Variants in PLA2G6 observed in about 807,000 individuals in gnomAD.
PLA2G6 encodes 85/88 kDa calcium-independent phospholipase A2.
PLA2G6 carries 62 observed loss-of-function variants against 83.8 expected under a neutral mutation model. The observed-to-expected ratio is 0.74, with a 90% CI of 0.60 to 0.91. The LOEUF is 0.91. Ranked by LOEUF, PLA2G6 falls within the 40% of genes least tolerant of loss-of-function variation. The probability of loss-of-function intolerance (pLI) is 0.00; values close to 1 mark genes in which losing one functional copy is unlikely to be tolerated. For missense variants in PLA2G6, 944 were observed against 1,102.0 expected, an observed-to-expected ratio of 0.86 and a Z score of 2.03; for synonymous variants, 417 against 449.8, an observed-to-expected ratio of 0.93 and a Z score of 0.92.
chr22:38,163,493 G>A (rs1900681206), intron 2 of PLA2G6: 1 of 169,534 alleles, frequency 5.9e-6, no homozygotes, highest in South Asian at 2.0e-4. Context: ...CTGTCCCTCA[G>A]GAGCCCTGCA....
chr22:38,139,268 C>G (rs1035674143), intron 5 of PLA2G6: 1 of 152,142 alleles, frequency 6.6e-6, no homozygotes, highest in African/African-American at 2.4e-5. Context: ...CCAGGTGGGC[C>G]TTGGGGTTGC....
chr22:38,113,709 C>G (rs572529162), intron 14 of PLA2G6, 55 bp from the exon 15 acceptor site: 18 of 1,539,698 alleles, frequency 1.2e-5, no homozygotes, highest in Middle Eastern at 3.4e-4. Context: ...GTAGGGGGCA[C>G]GAAGGGGAGC....
intron 6 of PLA2G6, 95 bp from the exon 7 acceptor site, chr22:38,133,108 T>G: frequency 1.3e-5 from 15 of 1,152,748 alleles, no homozygotes; most frequent in African/African-American, 3.0e-5. Context: ...CTGAGAGGCC[T>G]ACAGGTACTG....
chr22:38,169,171 T>C (rs372271850), intron 2 of PLA2G6, 47 bp downstream of exon 2: 14 of 1,423,140 alleles, frequency 9.8e-6, no homozygotes, highest in African/African-American at 1.4e-5. Flanking sequence ...ATCCGAGACG[T>C]GGGGGAGTGA....
In PLA2G6 at chr22:38,112,651, C is replaced by T. The variant is rs1942739046; in HGVS notation, c.2203-74G>A. 5.5e-6 allele frequency: 7 copies of T among 1,282,964 alleles called. No homozygotes were observed. In the South Asian group the frequency reaches 7.6e-5, roughly 14 times the overall value. 79.5% of individuals were successfully genotyped at this position (1,282,964 alleles called of 1,614,324 possible). ...CCGCACCCCGCCCGGCCCTGCCCTG[C>T]ACTCTCGGAGCCCCAGCCTGGGGAG... On this transcript the variant is annotated intron_variant, in intron 15 of 16. Coordinates refer to ENST00000332509, the MANE Select transcript of PLA2G6 (RefSeq NM_003560.4).
chr22:38,129,687 C>G, intron 7 of PLA2G6, 125 bp from the exon 8 acceptor site: 1 of 730,814 alleles, frequency 1.4e-6, no homozygotes, highest in Non-Finnish European at 2.5e-6. Flanking sequence ...CGGGGAGACA[C>G]TGGAACCCTC....
intron 1 of PLA2G6, 111 bp from the exon 2 acceptor site, chr22:38,169,582 C>G (rs2090355125): frequency 2.9e-6 from 2 of 692,992 alleles, no homozygotes; most frequent in Admixed American, 4.1e-5. Context: ...CAGCGTTGTC[C>G]CCAGATCCTG....
intron 2 of PLA2G6, among the ~76,000 whole-genome samples, chr22:38,152,131 T>C (rs1181636169): frequency 6.6e-6 from 1 of 152,096 alleles, no homozygotes; most frequent in Non-Finnish European, 1.5e-5. Context: ...GGATCCCTCA[T>C]GAATGAATGC....
In PLA2G6 at chr22:38,121,068, CCAGA is replaced by C. The variant is rs1458501510; in HGVS notation, c.1592-163_1592-160del. ...TTCTGGGCCCTTCCTTTGCAACCTC[CCAGA>C]CAGACAGAGAGAAACCTCCTTCCGG... On this transcript the variant is annotated intron_variant, in intron 11 of 16. Transcript: ENST00000332509. The C allele has an allele frequency of 6.6e-5, 46 of 693,922 alleles. 1 individual carries two copies. The East Asian group carries it at 8.4e-4, about 13-fold the overall frequency. The allele number at this position is 693,922 out of a possible 1,614,324, so 43.0% of individuals were successfully genotyped here. A position where few individuals can be genotyped will look rare whatever the true frequency, so the allele number is the denominator to read the frequency against.
Position 38,143,200 on chromosome 22 carries a change from C to T in PLA2G6, c.514G>A (p.Val172Met). ...KGDGEILVELVQYCHTQMDVT... is the reference protein window; with the variant it reads ...KGDGEILVELMQYCHTQMDVT... ...TCCATCTGAGTGTGGCAGTACTGCA[C>T]CAGCTCCACCAGGATCTCCCCATCA... The change falls in exon 4 of 17, where the codon GTG (valine) becomes ATG (methionine). Residue 172 changes from valine (V) to methionine (M), a missense_variant. Transcript: ENST00000332509. 6.2e-7 allele frequency: 1 copy of T among 1,614,160 alleles called. No individual in the cohort carries two copies. Among genetic ancestry groups the T allele is most frequent in the Non-Finnish European group, 8.5e-7 (1 of 1,180,012 alleles).
rs2088809033 is a variant in PLA2G6 at position 38,140,076 on chromosome 22, T to C, written c.703A>G (p.Met235Val). The C allele has an allele frequency of 6.2e-7, 1 of 1,614,000 alleles. No individual in the cohort carries two copies. The highest frequency in any genetic ancestry group is 2.2e-5 in the East Asian group (1 of 44,880). ...HLACQLGKQE[M>V]VRVLLLCNAR... Reference sequence around the variant, plus strand: ...TTGCACAGCAGCAGCACGCGGACCATCTCCTGCTTCCCCAGCTGGCAGGCC... The same window carrying C: ...TTGCACAGCAGCAGCACGCGGACCACCTCCTGCTTCCCCAGCTGGCAGGCC... Residue 235 changes from methionine to valine, a missense_variant, in exon 5 of 17, where the codon ATG becomes GTG. Transcript: ENST00000332509.
At chr22:38,174,495 T>A (rs1365126644) in intron 1 of PLA2G6, among the ~76,000 whole-genome samples, 1 of 152,176 alleles carries the variant, frequency 6.6e-6, no homozygotes, top group East Asian at 1.9e-4. Flanking sequence ...ATGAGTTCCC[T>A]GGAAGTGACT....
chr22:38,126,283 G>A (rs2087851422), intron 10 of PLA2G6, 88 bp downstream of exon 10: 4 of 987,086 alleles, frequency 4.1e-6, no homozygotes, highest in Middle Eastern at 2.1e-4. Flanking sequence ...GGTGCAGAGA[G>A]TAAAGCCCTG....
At position 38,132,847 on chromosome 22, in the gene PLA2G6, A is replaced by G. The variant is rs1403125636; in HGVS notation, c.1061T>C (p.Leu354Pro). The G allele has an allele frequency of 8.4e-6, 13 of 1,548,912 alleles. No individual in the cohort carries two copies. The highest frequency in any genetic ancestry group is 1.9e-5 in the Admixed American group (1 of 51,398). Residue 354 changes from leucine to proline, a missense_variant, in exon 7 of 17, where the codon CTG becomes CCG. By Grantham distance (98) the Leu-to-Pro change is moderately conservative. Transcript: ENST00000332509. The surrounding 1 kb of genome is among the most constrained non-coding windows in gnomAD (Gnocchi z 5.0). Reference protein sequence around the residue: ...DARGEHGNTPLHLAMSKDNVE... With the variant: ...DARGEHGNTPPHLAMSKDNVE... ...TGGGCTCACCGACATGGCCAGGTGCAGCGGGGTGTTGCCGTGCTCTCCGCG... is the reference window on the plus strand; with the variant it reads ...TGGGCTCACCGACATGGCCAGGTGCGGCGGGGTGTTGCCGTGCTCTCCGCG...
In PLA2G6 at chr22:38,129,453, C is replaced by A. The variant is rs761815070; in HGVS notation, c.1186+1G>T. 4 of 1,598,064 alleles carry A rather than the reference C, an allele frequency of 2.5e-6. No individual in the cohort carries two copies. In the African/African-American group the frequency reaches 5.4e-5, roughly 21 times the overall value. On this transcript the variant is annotated splice_donor_variant, in intron 8 of 16. Transcript: ENST00000332509. LOFTEE classifies it high-confidence loss of function. ...CCAGCCCCAGAGTGCAGAGCACATA[C>A]GTCTGCCGATTTTGGAGGCTAGGAA...
At chr22:38,126,881 T>A (rs2087894387) in intron 9 of PLA2G6, 1 of 482,222 alleles carries the variant, frequency 2.1e-6, no homozygotes, top group Non-Finnish European at 3.1e-6. Context: ...AGAGGGTCCA[T>A]AATTCACCCA....
intron 1 of PLA2G6, among the ~76,000 whole-genome samples, chr22:38,170,312 C>G (rs775084889): frequency 6.6e-6 from 1 of 151,976 alleles, no homozygotes; most frequent in Non-Finnish European, 1.5e-5. Context: ...TCTATCGGAG[C>G]AAGGGGATCA....
rs2087617762 is a variant in PLA2G6, at chr22:38,123,095, T to C, written c.1591A>G (p.Ser531Gly). The C allele has an allele frequency of 6.5e-7, 1 of 1,548,786 alleles. No individual in the cohort carries two copies. Among genetic ancestry groups the C allele is most frequent in the Non-Finnish European group, 8.7e-7 (1 of 1,147,040 alleles). Reference protein sequence around the residue: ...GGILALAILHSKSMAYMRGMY... With the variant: ...GGILALAILHGKSMAYMRGMY... ...CCCCATCCCCAGGGGCCGCCCTCAC[T>C]GTGCAGAATGGCCAGGGCCAGGATG... is the stretch of plus-strand genomic sequence containing the variant. The change falls in exon 11 of 17, where the codon AGT becomes GGT. Residue 531 changes from serine to glycine, a missense_variant and splice_region_variant. Transcript: ENST00000332509. This position sits in a 1 kb window ranked among gnomAD's most constrained non-coding sequence, Gnocchi z 4.1.
In PLA2G6 at chr22:38,123,371, C is replaced by T. The variant is rs532604045; in HGVS notation, c.1428-113G>A. 122 of 1,135,102 alleles carry T rather than the reference C, an allele frequency of 1.1e-4. No individual in the cohort carries two copies. The highest frequency in any genetic ancestry group is 5.7e-4 in the East Asian group (22 of 38,928). 70.3% of individuals were successfully genotyped at this position (1,135,102 alleles called of 1,614,324 possible). On this transcript the variant is annotated intron_variant, in intron 10 of 16. Transcript: ENST00000332509. The surrounding 1 kb of genome is among the most constrained non-coding windows in gnomAD (Gnocchi z 4.1). ...CTGTGTCCTGGCAGACAGACCCAGA[C>T]GGACCCGAGGAACTTCTGTCCTATG...
Sources: allele counts gnomAD v4.1 joint callset (sites outside exome capture counted in the v4.1 genomes callset), GRCh38; gene constraint gnomAD v4.1.1; non-coding constraint Gnocchi (gnomAD v3.1); transcripts MANE v1.5; gene names NCBI Gene and HGNC (gene_info 2026-07-23, HGNC 2026-07-21).